NSD1: variants seen among roughly 807,000 people sequenced by gnomAD.
NSD1 encodes nuclear receptor binding SET domain protein 1.
NSD1 carries 26 observed loss-of-function variants against 242.7 expected under a neutral mutation model. The ratio of observed to expected loss-of-function variants is 0.11; its 90% CI spans 0.08 to 0.15. NSD1 has a LOEUF of 0.15. Among genes scored for constraint, NSD1 ranks in the 10% least tolerant of loss-of-function variants. The pLI, the probability that NSD1 is intolerant of heterozygous loss-of-function variation, is 1.00. For missense variants in NSD1, 2,495 were observed against 3,272.8 expected (o/e 0.76, Z 5.80); for synonymous variants, 1,106 against 1,178.1 (o/e 0.94, Z 1.25).
At chr5:177,146,290 C>G (rs890356645) in intron 2 of NSD1, among the ~76,000 whole-genome samples, 6 of 150,058 alleles carry the variant, frequency 4.0e-5, no homozygotes, top group Non-Finnish European at 3.0e-5. Flanking sequence ...ACTGCAACCT[C>G]CACCTCCTGG....
intron 4 of NSD1, 76 bp from the exon 5 acceptor site, chr5:177,209,560 G>T: frequency 1.0e-6 from 1 of 984,108 alleles, no homozygotes; most frequent in Non-Finnish European, 1.5e-6. Flanking sequence ...AAAAAAAAAA[G>T]CTTCTGATTT....
rs373593240 is a variant in NSD1 at position 177,246,658 on chromosome 5, C to T, written c.4379-20C>T. The T allele has an allele frequency of 4.5e-6, 7 of 1,541,596 alleles. No homozygotes were observed. The highest frequency in any genetic ancestry group is 1.7e-4 in the Middle Eastern group (1 of 5,916). ...ATGTGTGTTAGTAGCCAGCAGTTAACACCTATTTTCCTGTCATAGGCACTA... is the reference window on the plus strand; with the variant it reads ...ATGTGTGTTAGTAGCCAGCAGTTAATACCTATTTTCCTGTCATAGGCACTA... On this transcript the variant is annotated intron_variant, in intron 9 of 22. Coordinates refer to ENST00000439151, the MANE Select transcript of NSD1 (RefSeq NM_022455.5).
intron 5 of NSD1, among the ~76,000 whole-genome samples, chr5:177,235,491 T>C (rs527934308): frequency 6.6e-6 from 1 of 152,300 alleles, no homozygotes; most frequent in Admixed American, 6.5e-5. Context: ...GATGCTACAT[T>C]TTTGTTAGGT....
chr5:177,205,845 CG>C, intron 4 of NSD1, among the ~76,000 whole-genome samples: 1 of 152,020 alleles, frequency 6.6e-6, no homozygotes, highest in African/African-American at 2.4e-5. Context: ...TTCTTTGATA[CG>C]GGGGTCTCTC....
At position 177,211,600 on chromosome 5, in the gene NSD1, A is replaced by G. The variant is rs771361976; in HGVS notation, c.3201A>G (p.Val1067=). 15 of 1,614,044 alleles carry G rather than the reference A, an allele frequency of 9.3e-6. No individual in the cohort carries two copies. The highest frequency in any genetic ancestry group is 1.2e-5 in the Non-Finnish European group (14 of 1,180,036). Reference sequence around the variant, plus strand: ...TTCCAAGTGTGACTCTTGATGCTGTACTGCAGGGAGACCGAGAACGTGGAG... The same window carrying G: ...TTCCAAGTGTGACTCTTGATGCTGTGCTGCAGGGAGACCGAGAACGTGGAG... ...NQLPSVTLDA[V]LQGDRERGGS... The change falls in exon 5 of 23, where the codon GTA becomes GTG. Residue 1067 remains valine (V), a synonymous_variant. Transcript: ENST00000439151.
chr5:177,213,331 T>A (rs1763507823), intron 5 of NSD1, among the ~76,000 whole-genome samples: 1 of 152,232 alleles, frequency 6.6e-6, no homozygotes, highest in African/African-American at 2.4e-5. Context: ...ATCATAAAAT[T>A]CAGCTTTTAA....
chr5:177,267,157 C>T (rs1319506200), intron 14 of NSD1, among the ~76,000 whole-genome samples: 2 of 152,122 alleles, frequency 1.3e-5, no homozygotes, highest in South Asian at 2.1e-4. Context: ...TGTGCCCAGC[C>T]GAAAAGTTAG....
intron 3 of NSD1, among the ~76,000 whole-genome samples, chr5:177,198,936 TAAGC>T: frequency 6.6e-6 from 1 of 152,360 alleles, no homozygotes; most frequent in Non-Finnish European, 1.5e-5. Flanking sequence ...GTGTTTGCCT[TAAGC>T]AACCACTAAT....
At chr5:177,158,987 TATGA>T (rs1290664419) in intron 2 of NSD1, among the ~76,000 whole-genome samples, 2 of 120,860 alleles carry the variant, frequency 1.7e-5, no homozygotes, top group Non-Finnish European at 3.1e-5. Context: ...CACACATATA[TATGA>T]ATGATTTTAT....
chr5:177,245,736 A>G (rs1201749290), intron 9 of NSD1, among the ~76,000 whole-genome samples: 1 of 151,386 alleles, frequency 6.6e-6, no homozygotes, highest in Non-Finnish European at 1.5e-5. Context: ...CCCAGGTTCA[A>G]GCGATTCTCC....
rs1336273625 is a variant in NSD1, at chr5:177,135,248, C to G, written c.145C>G (p.Gln49Glu). The G allele has an allele frequency of 6.2e-7, 1 of 1,613,754 alleles. No individual in the cohort carries two copies. The highest frequency in any genetic ancestry group is 1.3e-5 in the African/African-American group (1 of 75,018). Residue 49 changes from glutamine to glutamate, a missense_variant, in exon 2 of 23, where the codon CAG becomes GAG. Physicochemically the swap from Gln to Glu is conservative, Grantham distance 29. Around this residue, in one of 19 missense-constraint regions of NSD1, gnomAD observed 376 missense variants for 367.4 expected, o/e 1.02. Coordinates refer to ENST00000439151, the MANE Select transcript of NSD1 (RefSeq NM_022455.5). ...TGAGCCACTTAATGGGTGTACTATG[C>G]AGTTATCGACTGTCAGTGGAACATC... The part of the protein sequence containing the change: ...FSEPLNGCTM[Q>E]LSTVSGTSQN...
At chr5:177,164,149 C>CA in intron 2 of NSD1, among the ~76,000 whole-genome samples, 1 of 138,408 alleles carries the variant, frequency 7.2e-6, no homozygotes, top group South Asian at 2.3e-4. Flanking sequence ...AAAATGTAAC[C>CA]TTTTTTTTTT....
intron 2 of NSD1, among the ~76,000 whole-genome samples, chr5:177,157,870 C>T (rs953232854): frequency 2.6e-5 from 4 of 152,150 alleles, no homozygotes; most frequent in African/African-American, 4.8e-5. Context: ...TGTGGCCTTT[C>T]GTGTCTGACT....
At chr5:177,148,670 C>G (rs1303217495) in intron 2 of NSD1, among the ~76,000 whole-genome samples, 1 of 152,126 alleles carries the variant, frequency 6.6e-6, no homozygotes, top group Non-Finnish European at 1.5e-5. Context: ...AGGTGATCCA[C>G]CCACCTCGGC....
At chr5:177,253,266 G>T (rs1320539637) in intron 12 of NSD1, among the ~76,000 whole-genome samples, 1 of 152,106 alleles carries the variant, frequency 6.6e-6, no homozygotes, top group Non-Finnish European at 1.5e-5. Context: ...ATATTATAGG[G>T]TCAAGAGAAA....
At chr5:177,148,161 A>C (rs1757409021) in intron 2 of NSD1, among the ~76,000 whole-genome samples, 1 of 151,784 alleles carries the variant, frequency 6.6e-6, no homozygotes, top group Admixed American at 6.6e-5. Context: ...CTTGTTGCCC[A>C]GGCTGGAGTG....
At chr5:177,174,305 G>A (rs1759989428) in intron 2 of NSD1, among the ~76,000 whole-genome samples, 1 of 152,138 alleles carries the variant, frequency 6.6e-6, no homozygotes, top group Non-Finnish European at 1.5e-5. Flanking sequence ...AGTGAGCCGA[G>A]ATCGCGCCAC....
At chr5:177,265,852 G>T in intron 14 of NSD1, 1 of 1,440,774 alleles carries the variant, frequency 6.9e-7, no homozygotes, top group Non-Finnish European at 9.8e-7. Flanking sequence ...GGGTGTGCAC[G>T]TAGTCATTCT....
intron 2 of NSD1, among the ~76,000 whole-genome samples, chr5:177,188,522 T>C (rs1761415616): frequency 6.6e-6 from 1 of 152,240 alleles, no homozygotes; most frequent in Non-Finnish European, 1.5e-5. Context: ...AATGAAACTT[T>C]AAAATTTGTG....
Sources: allele counts gnomAD v4.1 joint callset (sites outside exome capture counted in the v4.1 genomes callset), GRCh38; gene constraint gnomAD v4.1.1; regional missense constraint gnomAD v4.1.1; transcripts MANE v1.5; gene names NCBI Gene and HGNC (gene_info 2026-07-23, HGNC 2026-07-21).